ARHGEF33: variants seen among roughly 807,000 people sequenced by gnomAD.
ARHGEF33 encodes DH and coiled-coil domain-containing protein ENSP00000381780.
ARHGEF33 carries 72 observed loss-of-function variants against 101.9 expected under a neutral mutation model. The observed-to-expected ratio is 0.71, with a 90% confidence interval of 0.58 to 0.86. ARHGEF33 has a LOEUF of 0.86. Ranked by LOEUF, ARHGEF33 falls within the 40% of genes least tolerant of loss-of-function variation. The probability of loss-of-function intolerance (pLI) is 0.00; values close to 1 mark genes in which losing one functional copy is unlikely to be tolerated. For missense variants in ARHGEF33, 1,169 were observed against 1,111.3 expected (o/e 1.05, Z -0.74); for synonymous variants, 499 against 442.5 (o/e 1.13, Z -1.60).
chr2:38,912,447 C>T (rs1187114157), intron 2 of ARHGEF33, among the ~76,000 whole-genome samples: 1 of 152,124 alleles, frequency 6.6e-6, no homozygotes, highest in East Asian at 1.9e-4. Context: ...CTGTGTAATC[C>T]TGTTATTAAG....
Position 38,958,098 on chromosome 2 carries a change from T to C in ARHGEF33, c.1435T>C (p.Ser479Pro), listed in dbSNP as rs1357232199. Residue 479 changes from serine to proline, a missense_variant, in exon 15 of 18, where the codon TCC becomes CCC. Physicochemically the swap from Ser to Pro is moderately conservative, Grantham distance 74. Coordinates refer to ENST00000409978, the MANE Select transcript of ARHGEF33 (RefSeq NM_001145451.5). ...GTGTGCCAATGCTGGGCAAGATGCTTCCCCCACTGCAGGTCCTGAGGCTGT... is the reference window on the plus strand; with the variant it reads ...GTGTGCCAATGCTGGGCAAGATGCTCCCCCCACTGCAGGTCCTGAGGCTGT... ...SQCANAGQDASPTAGPEAVRD... is the reference protein window; with the variant it reads ...SQCANAGQDAPPTAGPEAVRD... 1.3e-6 allele frequency: 2 copies of C among 1,551,970 alleles called. No individual in the cohort carries two copies. The highest frequency in any genetic ancestry group is 2.7e-5 in the African/African-American group (2 of 73,010).
At chr2:38,899,064 C>T (rs555662097) in intron 2 of ARHGEF33, among the ~76,000 whole-genome samples, 6 of 151,712 alleles carry the variant, frequency 4.0e-5, no homozygotes, top group Non-Finnish European at 8.8e-5. Context: ...GCTATTAATA[C>T]GAATAAATAA....
At chr2:38,919,282 T>C in intron 2 of ARHGEF33, 81 bp from the exon 3 acceptor site, 1 of 648,722 alleles carries the variant, frequency 1.5e-6, no homozygotes. Flanking sequence ...TTCATTTCAA[T>C]TTTTTTACTA....
At position 38,935,828 on chromosome 2, in the gene ARHGEF33, G is replaced by A. The variant is rs1217736018; in HGVS notation, c.559G>A (p.Gly187Ser). 6.4e-7 allele frequency: 1 copy of A among 1,550,642 alleles called. No individual in the cohort carries two copies. The highest frequency in any genetic ancestry group is 1.4e-5 in the African/African-American group (1 of 72,984). The change falls in exon 8 of 18, where the codon GGT (glycine) becomes AGT (serine). Residue 187 changes from glycine to serine, a missense_variant. Coordinates refer to ENST00000409978, the MANE Select transcript of ARHGEF33 (RefSeq NM_001145451.5). ...AGACAGTAATGTAAAAGGAATGATG[G>A]GTCCTGGTAAGTGACTCTTCTCTTA... ...VGDSNVKGMM[G>S]PGVNPTTPEA...
chr2:38,889,978 C>A lies in ARHGEF33; in HGVS notation c.-167C>A. ...CTGAGGATGATATAACCACCGCAGG[C>A]AACATGGGGTAAGTATGCGCTTTTA... On this transcript the variant is annotated 5_prime_UTR_variant, in exon 1 of 18. Coordinates refer to ENST00000409978, the MANE Select transcript of ARHGEF33 (RefSeq NM_001145451.5). 2 of 469,154 alleles carry A rather than the reference C, an allele frequency of 4.3e-6. No homozygotes were observed. The highest frequency in any genetic ancestry group is 4.4e-6 in the Non-Finnish European group (1 of 226,220). 29.1% of individuals were successfully genotyped at this position (469,154 alleles called of 1,614,324 possible). A position where few individuals can be genotyped will look rare whatever the true frequency, so the allele number is the denominator to read the frequency against.
chr2:38,912,595 TC>T (rs1558425778), intron 2 of ARHGEF33, among the ~76,000 whole-genome samples: 1 of 152,198 alleles, frequency 6.6e-6, no homozygotes, highest in Admixed American at 6.5e-5. Flanking sequence ...CCTTTTTATA[TC>T]CATTTATTAT....
At chr2:38,938,705 A>G (rs1283148575) in intron 9 of ARHGEF33, among the ~76,000 whole-genome samples, 1 of 152,142 alleles carries the variant, frequency 6.6e-6, no homozygotes, top group African/African-American at 2.4e-5. Flanking sequence ...CTGTGCATGA[A>G]AGAACCTGAG....
At chr2:38,924,354 C>G (rs981838455) in intron 4 of ARHGEF33, among the ~76,000 whole-genome samples, 1 of 152,200 alleles carries the variant, frequency 6.6e-6, no homozygotes, top group African/African-American at 2.4e-5. Flanking sequence ...ACATACCCCT[C>G]TCAAAGTCGT....
At chr2:38,917,932 T>C (rs1173640376) in intron 2 of ARHGEF33, among the ~76,000 whole-genome samples, 1 of 152,220 alleles carries the variant, frequency 6.6e-6, no homozygotes, top group Non-Finnish European at 1.5e-5. Flanking sequence ...AGATTAGATT[T>C]GTCTATTCTA....
In ARHGEF33 at chr2:38,931,140, G is replaced by T. The variant is rs1446853134; in HGVS notation, c.394G>T (p.Ala132Ser). ...TCAAAAAGAAGAGCACAGCTCACAG[G>T]CCGGGCCTGCCCAAGCACAAGGAAG... ...KTQKEEHSSQ[A>S]GPAQAQGSPF... The change falls in exon 7 of 18, where the codon GCC (alanine) becomes TCC (serine). Residue 132 changes from alanine to serine, a missense_variant. Ala to Ser is a moderately conservative substitution (Grantham distance 99). Coordinates refer to ENST00000409978, the MANE Select transcript of ARHGEF33 (RefSeq NM_001145451.5). 1.9e-6 allele frequency: 3 copies of T among 1,551,414 alleles called. No homozygotes were observed. The highest frequency in any genetic ancestry group is 3.9e-5 in the Admixed American group (2 of 50,950).
chr2:38,902,430 G>T (rs1666269162), intron 2 of ARHGEF33, among the ~76,000 whole-genome samples: 1 of 152,184 alleles, frequency 6.6e-6, no homozygotes. Context: ...CTGTAGTGAA[G>T]CATTTTATTT....
chr2:38,903,180 C>T (rs1666287455), intron 2 of ARHGEF33, among the ~76,000 whole-genome samples: 1 of 152,070 alleles, frequency 6.6e-6, no homozygotes, highest in Non-Finnish European at 1.5e-5. Flanking sequence ...AATGACTTCT[C>T]AAGTGTGTTG....
chr2:38,918,430 C>G (rs1488510656), intron 2 of ARHGEF33, among the ~76,000 whole-genome samples: 1 of 152,016 alleles, frequency 6.6e-6, no homozygotes, highest in Non-Finnish European at 1.5e-5. Flanking sequence ...GCGTTTTCAG[C>G]CTCTACAGTG....
chr2:38,904,964 G>A (rs1399542523), intron 2 of ARHGEF33, among the ~76,000 whole-genome samples: 1 of 152,176 alleles, frequency 6.6e-6, no homozygotes, highest in Non-Finnish European at 1.5e-5. Context: ...GGATTTCACA[G>A]CTGGTGAATT....
intron 16 of ARHGEF33, among the ~76,000 whole-genome samples, chr2:38,963,678 C>T (rs1667993547): frequency 6.6e-6 from 1 of 152,074 alleles, no homozygotes; most frequent in African/African-American, 2.4e-5. Flanking sequence ...CTCTAAAAGC[C>T]CATTTCTCAA....
rs1462283468 is a variant in ARHGEF33, at chr2:38,959,858, T to C, written c.1553T>C (p.Val518Ala). ...GPAITHLMPP[V>A]KKSQQQQSLM... Reference sequence around the variant, plus strand: ...CCCTAAAGACATCTGATGCCCCCAGTGAAGAAAAGCCAACAGCAGCAAAGC... The same window carrying C: ...CCCTAAAGACATCTGATGCCCCCAGCGAAGAAAAGCCAACAGCAGCAAAGC... The change falls in exon 16 of 18, where the codon GTG becomes GCG. Residue 518 changes from valine to alanine, a missense_variant. Val to Ala is a moderately conservative substitution (Grantham distance 64). Coordinates refer to ENST00000409978, the MANE Select transcript of ARHGEF33 (RefSeq NM_001145451.5). The C allele has an allele frequency of 6.5e-7, 1 of 1,549,430 alleles. No individual in the cohort carries two copies. The highest frequency in any genetic ancestry group is 8.7e-7 in the Non-Finnish European group (1 of 1,145,478).
Position 38,897,586 on chromosome 2 carries a change from G to A in ARHGEF33, c.-86+1737G>A, listed in dbSNP as rs140255870. 2.9e-3 allele frequency among the ~76,000 whole-genome samples: 446 copies of A among 152,252 alleles called. 4 individuals carry two copies. Among genetic ancestry groups the A allele is most frequent in the Middle Eastern group, 0.01 (3 of 294 alleles). On this transcript the variant is annotated intron_variant, in intron 2 of 17. Coordinates refer to ENST00000409978, the MANE Select transcript of ARHGEF33 (RefSeq NM_001145451.5). The stretch of plus-strand genomic sequence containing the variant: ...GATGTGAGCTCTGAACTCTTTCCCA[G>A]TAAGAAAATGAACCTATAAAATTTT...
At chr2:38,959,252 G>A (rs1002483197) in intron 15 of ARHGEF33, 1 of 152,178 alleles carries the variant, frequency 6.6e-6, no homozygotes, top group Non-Finnish European at 1.5e-5. Flanking sequence ...GTAATTCTTT[G>A]TGGGTGGAAG....
intron 17 of ARHGEF33, among the ~76,000 whole-genome samples, chr2:38,971,676 G>A (rs1287852449): frequency 6.6e-6 from 1 of 152,200 alleles, no homozygotes; most frequent in African/African-American, 2.4e-5. Context: ...TTTAGTCATG[G>A]CTATAGTAGA....
Sources: allele counts gnomAD v4.1 joint callset (sites outside exome capture counted in the v4.1 genomes callset), GRCh38; gene constraint gnomAD v4.1.1; transcripts MANE v1.5; gene names NCBI Gene and HGNC (gene_info 2026-07-23, HGNC 2026-07-21).